The following ANKIB1 variants were observed in gnomAD, a reference collection of about 807,000 sequenced individuals.
The protein encoded by ANKIB1 is ankyrin repeat and IBR domain containing 1, also known as ankyrin repeat and IBR domain-containing protein 1.
Under a neutral mutation model 122.1 loss-of-function variants are expected in ANKIB1, and 43 were observed. The ratio of observed to expected loss-of-function variants is 0.35; its 90% CI spans 0.28 to 0.45. The LOEUF (loss-of-function observed/expected upper bound fraction) is 0.45, where lower values mean the gene tolerates loss of function less well. Among genes scored for constraint, ANKIB1 ranks in the 20% least tolerant of loss-of-function variants. The pLI, the probability that ANKIB1 is intolerant of heterozygous loss-of-function variation, is 1.00. For missense variants in ANKIB1, 992 were observed against 1,329.5 expected (o/e 0.75, Z 3.95); for synonymous variants, 390 against 442.0 (o/e 0.88, Z 1.48).
In ANKIB1 at chr7:92,289,247, G is replaced by A. The variant is rs552586374; in HGVS notation, c.-90-5642G>A. ...AATCTTAGTGCATTTTGCTTAAAATGTTAAGCAAGAGCTAAGAAAGATCAA... is the reference window on the plus strand; with the variant it reads ...AATCTTAGTGCATTTTGCTTAAAATATTAAGCAAGAGCTAAGAAAGATCAA... On this transcript the variant is annotated intron_variant, in intron 1 of 19. Coordinates refer to ENST00000265742, the MANE Select transcript of ANKIB1 (RefSeq NM_019004.2). Among the ~76,000 whole-genome samples the A allele has an allele frequency of 2.5e-4, 38 of 152,300 alleles. 1 individual carries two copies. In the South Asian group the frequency reaches 7.5e-3, roughly 30 times the overall value.
intron 9 of ANKIB1, among the ~76,000 whole-genome samples, chr7:92,359,333 G>A (rs1466899469): frequency 6.6e-6 from 1 of 152,128 alleles, no homozygotes; most frequent in African/African-American, 2.4e-5. Context: ...TTGGTTTTCT[G>A]TTCTTGTGAT....
intron 1 of ANKIB1, among the ~76,000 whole-genome samples, chr7:92,249,080 G>GT (rs762692811): frequency 6.6e-6 from 1 of 151,916 alleles, no homozygotes; most frequent in Non-Finnish European, 1.5e-5. Context: ...TAGAGACGAG[G>GT]TTTTGCCACG....
rs576497473 is a variant in ANKIB1, at chr7:92,374,486, G to A, written c.1617+2879G>A. Among the ~76,000 whole-genome samples the A allele has an allele frequency of 1.6e-4, 25 of 152,064 alleles. No individual in the cohort carries two copies. The South Asian group carries it at 4.0e-3, about 24-fold the overall frequency. On this transcript the variant is annotated intron_variant, in intron 11 of 19. Transcript: ENST00000265742. The stretch of plus-strand genomic sequence containing the variant: ...AGAGCAAAACTCCATATCAAAAAAA[G>A]AAAGAAAGAAATTAATAGTAAAGTT...
intron 5 of ANKIB1, among the ~76,000 whole-genome samples, chr7:92,332,151 T>G (rs978544064): frequency 6.6e-6 from 1 of 152,244 alleles, no homozygotes; most frequent in Non-Finnish European, 1.5e-5. Flanking sequence ...AAATAGAGGA[T>G]AATTCAGGTT....
intron 10 of ANKIB1, among the ~76,000 whole-genome samples, chr7:92,370,985 A>G (rs1393700577): frequency 6.6e-6 from 1 of 152,218 alleles, no homozygotes; most frequent in Non-Finnish European, 1.5e-5. Context: ...GTCACATTGA[A>G]TTAATTTTAA....
chr7:92,246,438 G>C lies in ANKIB1; in HGVS notation c.-172G>C, dbSNP rs985194183. On this transcript the variant is annotated 5_prime_UTR_variant, in exon 1 of 20. Coordinates refer to ENST00000265742, the MANE Select transcript of ANKIB1 (RefSeq NM_019004.2). ...GCTGGGTACCTGAGGTCACCAGCTC[G>C]GCTGTAGAGGCAGGGGCGGCGGAGG... 3 of 517,596 alleles carry C rather than the reference G, an allele frequency of 5.8e-6. No individual in the cohort carries two copies. Among genetic ancestry groups the C allele is most frequent in the Non-Finnish European group, 7.7e-6 (2 of 259,628 alleles). 32.1% of individuals were successfully genotyped at this position (517,596 alleles called of 1,614,324 possible).
rs545025127 is a variant in ANKIB1, at chr7:92,399,710, C to T, written c.*761C>T. The T allele has an allele frequency of 3.3e-5, 5 of 152,256 alleles. No homozygotes were observed. Among genetic ancestry groups the T allele is most frequent in the Non-Finnish European group, 4.4e-5 (3 of 68,022 alleles). The allele number at this position is 152,256 out of a possible 1,614,324, so 9.4% of individuals were successfully genotyped here. Reference sequence around the variant, plus strand: ...TGGGTTTTTGTTGCCATGGAGACTGCATTTATATAAATGTAGCCTGTAGCT... The same window carrying T: ...TGGGTTTTTGTTGCCATGGAGACTGTATTTATATAAATGTAGCCTGTAGCT... On this transcript the variant is annotated 3_prime_UTR_variant, in exon 20 of 20. Transcript: ENST00000265742.
At chr7:92,374,596 G>C (rs1318179373) in intron 11 of ANKIB1, among the ~76,000 whole-genome samples, 2 of 151,884 alleles carry the variant, frequency 1.3e-5, no homozygotes, top group African/African-American at 4.8e-5. Flanking sequence ...TTAAAACAAG[G>C]GTAATGAAAA....
chr7:92,270,992 T>C (rs1489927372), intron 1 of ANKIB1, among the ~76,000 whole-genome samples: 1 of 152,080 alleles, frequency 6.6e-6, no homozygotes, highest in Non-Finnish European at 1.5e-5. Flanking sequence ...TTTTCTTTTA[T>C]AGATAATGCT....
At chr7:92,351,710 T>C (rs1365497663) in intron 8 of ANKIB1, among the ~76,000 whole-genome samples, 2 of 148,344 alleles carry the variant, frequency 1.3e-5, no homozygotes, top group East Asian at 4.0e-4. Context: ...AAGTCCTCCT[T>C]TTTTTTTTTG....
At chr7:92,314,445 G>T (rs1463249352) in intron 3 of ANKIB1, among the ~76,000 whole-genome samples, 1 of 152,194 alleles carries the variant, frequency 6.6e-6, no homozygotes, top group Non-Finnish European at 1.5e-5. Context: ...CTACTCAAAA[G>T]AATCGTCCTT....
intron 14 of ANKIB1, 23 bp from the exon 15 acceptor site, chr7:92,389,948 A>G: frequency 7.6e-6 from 12 of 1,568,974 alleles, no homozygotes; most frequent in Non-Finnish European, 1.0e-5. Flanking sequence ...AAACAAATTC[A>G]CTGTGCCTCA....
intron 11 of ANKIB1, among the ~76,000 whole-genome samples, chr7:92,378,983 G>A (rs1276675234): frequency 1.3e-5 from 2 of 152,164 alleles, no homozygotes; most frequent in Non-Finnish European, 2.9e-5. Context: ...GACTTATGGG[G>A]AAAAAATGTA....
chr7:92,360,303 G>A (rs1166423955), intron 9 of ANKIB1, among the ~76,000 whole-genome samples: 2 of 152,118 alleles, frequency 1.3e-5, no homozygotes, highest in East Asian at 1.9e-4. Flanking sequence ...AATATTTAAT[G>A]TAAGTGGAAT....
chr7:92,394,195 A>T (rs1804841097), intron 17 of ANKIB1, among the ~76,000 whole-genome samples: 1 of 152,204 alleles, frequency 6.6e-6, no homozygotes. Context: ...AGAAGGATTA[A>T]AGCATCTCAT....
chr7:92,258,161 G>A (rs1232774033), intron 1 of ANKIB1, among the ~76,000 whole-genome samples: 1 of 152,230 alleles, frequency 6.6e-6, no homozygotes, highest in Non-Finnish European at 1.5e-5. Flanking sequence ...ATTATAGGAT[G>A]AGGAGAAACA....
Position 92,398,871 on chromosome 7 carries a change from C to T in ANKIB1, c.3192C>T (p.Asn1064=). 1 of 1,606,114 alleles carries T rather than the reference C, an allele frequency of 6.2e-7. No individual in the cohort carries two copies. Among genetic ancestry groups the T allele is most frequent in the Non-Finnish European group, 8.5e-7 (1 of 1,176,072 alleles). Residue 1064 remains asparagine (N), a synonymous_variant, in exon 20 of 20, where the codon AAC becomes AAT. Coordinates refer to ENST00000265742, the MANE Select transcript of ANKIB1 (RefSeq NM_019004.2). ...QAGDSGNEAA[N]RGDGSDVSSQ... is the part of the protein sequence containing the mutation. ...GTGACAGTGGTAACGAGGCAGCCAA[C>T]AGAGGAGATGGTTCAGATGTTTCAA...
chr7:92,284,450 T>A (rs909644384), intron 1 of ANKIB1, among the ~76,000 whole-genome samples: 1 of 152,238 alleles, frequency 6.6e-6, no homozygotes, highest in Non-Finnish European at 1.5e-5. Context: ...ACCAGTTTCA[T>A]CTTACTGTAA....
intron 1 of ANKIB1, among the ~76,000 whole-genome samples, chr7:92,249,909 A>T (rs1801289839): frequency 6.6e-6 from 1 of 152,208 alleles, no homozygotes; most frequent in Admixed American, 6.5e-5. Flanking sequence ...TTTAATAATA[A>T]AAAGCCATAC....
Sources: allele counts gnomAD v4.1 joint callset (sites outside exome capture counted in the v4.1 genomes callset), GRCh38; gene constraint gnomAD v4.1.1; transcripts MANE v1.5; gene names NCBI Gene and HGNC (gene_info 2026-07-23, HGNC 2026-07-21).